GPHN: variants seen among roughly 807,000 people sequenced by gnomAD.
GPHN encodes the protein gephyrin.
In GPHN, 17 loss-of-function variants were observed where a neutral mutation model predicts 95.5. That is an observed-to-expected ratio of 0.18 (90% CI 0.12 to 0.27). The LOEUF is 0.27. GPHN is among the 10% of genes least tolerant of loss of function. The pLI, the probability that GPHN is intolerant of heterozygous loss-of-function variation, is 1.00. For synonymous variants in GPHN, 320 were observed against 322.5 expected (o/e 0.99, Z 0.08); for missense variants, 660 against 978.1 (o/e 0.67, Z 4.34).
At chr14:67,723,676 A>G in the GPHN span, among the ~76,000 whole-genome samples, 3 of 152,204 alleles carry the variant, frequency 2.0e-5, no homozygotes, top group Non-Finnish European at 2.9e-5. Flanking sequence ...AGTTTTCTCT[A>G]CTGTAATGTG....
At chr14:67,367,768 G>A in the GPHN span, among the ~76,000 whole-genome samples, 11 of 151,868 alleles carry the variant, frequency 7.2e-5, no homozygotes, top group Non-Finnish European at 1.0e-4. Context: ...CCCAGGAGGC[G>A]GAGGCTGCAG....
chr14:67,516,294 C>T, the GPHN span, among the ~76,000 whole-genome samples: 4 of 152,148 alleles, frequency 2.6e-5, no homozygotes, highest in Non-Finnish European at 2.9e-5. Flanking sequence ...CCTTTTGTCA[C>T]TAACCCATCC....
At chr14:66,737,336 G>C (rs1254857475) in intron 2 of GPHN, among the ~76,000 whole-genome samples, 6 of 152,046 alleles carry the variant, frequency 3.9e-5, no homozygotes, top group Admixed American at 3.9e-4. Context: ...ATGGGATACT[G>C]TCAATGTGAA....
At chr14:67,566,566 G>A in the GPHN span, among the ~76,000 whole-genome samples, 2 of 118,832 alleles carry the variant, frequency 1.7e-5, no homozygotes, top group East Asian at 3.6e-4. Flanking sequence ...GCAACACGGC[G>A]AAACCCCATG....
chr14:67,390,164 A>T, the GPHN span, among the ~76,000 whole-genome samples: 1 of 151,956 alleles, frequency 6.6e-6, no homozygotes, highest in African/African-American at 2.4e-5. Flanking sequence ...CATAAAAATG[A>T]TTTTTTTTTA....
the GPHN span, chr14:67,334,851 T>C: frequency 3.9e-5 from 6 of 152,248 alleles, no homozygotes; most frequent in Non-Finnish European, 7.3e-5. Context: ...GTCTCAGGAA[T>C]GAAGTGTAGT....
intron 9 of GPHN, among the ~76,000 whole-genome samples, chr14:66,977,364 G>A (rs2070324325): frequency 6.6e-6 from 1 of 151,972 alleles, no homozygotes; most frequent in South Asian, 2.1e-4. Flanking sequence ...CCGGGAGGCG[G>A]AGGTTGCAGT....
intron 16 of GPHN, among the ~76,000 whole-genome samples, chr14:67,116,381 A>G (rs2078698974): frequency 6.6e-6 from 1 of 152,174 alleles, no homozygotes; most frequent in Middle Eastern, 3.4e-3. Flanking sequence ...AGAGAAAAGA[A>G]AAGAAACAAG....
At chr14:67,668,791 G>T in the GPHN span, among the ~76,000 whole-genome samples, 24 of 152,154 alleles carry the variant, frequency 1.6e-4, no homozygotes, top group Admixed American at 7.9e-4. Context: ...GTCTGGGGTG[G>T]GGCCTGAGAA....
At chr14:67,146,092 C>T (rs553729510) in intron 18 of GPHN, among the ~76,000 whole-genome samples, 1 of 152,252 alleles carries the variant, frequency 6.6e-6, no homozygotes, top group Admixed American at 6.5e-5. Context: ...GCTAGGAGCA[C>T]TAAGATCAGG....
At chr14:66,619,259 A>T (rs1414986124) in intron 1 of GPHN, among the ~76,000 whole-genome samples, 4 of 152,176 alleles carry the variant, frequency 2.6e-5, no homozygotes, top group Non-Finnish European at 4.4e-5. Flanking sequence ...TGAAATGGCT[A>T]GATCATTGGG....
rs765267813 is a variant in GPHN, at chr14:66,599,392, A to ATTTTTTTTTTTTTTTTTTTTT, written c.65-81699_65-81698insTTTTTTTTTTTTTTTTTTTTT. On this transcript the variant is annotated intron_variant, in intron 1 of 22. Coordinates refer to ENST00000478722, the MANE Select transcript of GPHN (RefSeq NM_020806.5). ...TCTCTGATTTTACATTTTTTTTTGC[A>ATTTTTTTTTTTTTTTTTTTTT]TTTTTTTTTTTTTTTTGCTAGATGC... 4.1e-4 allele frequency among the ~76,000 whole-genome samples: 31 copies of ATTTTTTTTTTTTTTTTTTTTT among 76,506 alleles called. 1 individual carries two copies. The highest frequency in any genetic ancestry group is 4.4e-4 in the Non-Finnish European group (19 of 42,816). The allele number at this position is 76,506 out of a possible 152,430, so 50.2% of individuals were successfully genotyped here.
At chr14:67,411,801 TCTC>T in the GPHN span, among the ~76,000 whole-genome samples, 1 of 152,228 alleles carries the variant, frequency 6.6e-6, no homozygotes, top group Admixed American at 6.5e-5. Flanking sequence ...CAAGTGGGAT[TCTC>T]CTCCTTGCCT....
chr14:67,506,964 C>A, the GPHN span, among the ~76,000 whole-genome samples: 1 of 151,516 alleles, frequency 6.6e-6, no homozygotes, highest in Non-Finnish European at 1.5e-5. Flanking sequence ...AGCCTGGCGA[C>A]AGGGCCAGAT....
At chr14:67,169,845 G>A (rs2082495840) in intron 21 of GPHN, among the ~76,000 whole-genome samples, 1 of 152,240 alleles carries the variant, frequency 6.6e-6, no homozygotes, top group Non-Finnish European at 1.5e-5. Flanking sequence ...GGGAGGCCGA[G>A]GCAGGTGGAT....
the GPHN span, among the ~76,000 whole-genome samples, chr14:67,612,416 G>T: frequency 2.0e-5 from 3 of 152,134 alleles, no homozygotes; most frequent in Non-Finnish European, 4.4e-5. Flanking sequence ...GTGGGATTTT[G>T]ATATTGTAAT....
intron 2 of GPHN, among the ~76,000 whole-genome samples, chr14:66,701,155 T>C (rs913894979): frequency 1.3e-5 from 2 of 152,182 alleles, no homozygotes; most frequent in African/African-American, 2.4e-5. Context: ...TATACATATG[T>C]ATATATGCAT....
At chr14:66,565,512 C>G (rs1437484191) in intron 1 of GPHN, among the ~76,000 whole-genome samples, 1 of 152,080 alleles carries the variant, frequency 6.6e-6, no homozygotes. Flanking sequence ...GTTGCCCAAG[C>G]TGGTCTTGAA....
intron 11 of GPHN, among the ~76,000 whole-genome samples, chr14:67,070,069 G>T (rs998589905): frequency 1.3e-5 from 2 of 151,938 alleles, no homozygotes; most frequent in Non-Finnish European, 2.9e-5. Flanking sequence ...TTCCATGAAT[G>T]TGGCCTCTTA....
Sources: allele counts gnomAD v4.1 joint callset (sites outside exome capture counted in the v4.1 genomes callset), GRCh38; gene constraint gnomAD v4.1.1; transcripts MANE v1.5; gene names NCBI Gene and HGNC (gene_info 2026-07-23, HGNC 2026-07-21).